Variants in ZNF783 observed in about 807,000 individuals in gnomAD.
The protein encoded by ZNF783 is zinc finger protein 783, also known as protein ZNF783.
A neutral mutation model predicts 31.3 loss-of-function variants in ZNF783; 25 were observed. That is an observed-to-expected ratio of 0.80 (90% CI 0.58 to 1.11). ZNF783 has a LOEUF of 1.11. ZNF783 is among the 50% of genes most tolerant of loss of function. The probability of loss-of-function intolerance (pLI) is 0.00; values close to 1 mark genes in which losing one functional copy is unlikely to be tolerated. For synonymous variants in ZNF783, 369 were observed against 319.1 expected (o/e 1.16, Z -1.66); for missense variants, 797 against 760.0 (o/e 1.05, Z -0.57).
At chr7:149,270,062 G>C (rs543722720) in intron 4 of ZNF783, among the ~76,000 whole-genome samples, 3 of 152,108 alleles carry the variant, frequency 2.0e-5, no homozygotes, top group Admixed American at 6.5e-5. Context: ...TCTTAATCCA[G>C]TCTATCATTG....
intron 4 of ZNF783, among the ~76,000 whole-genome samples, chr7:149,274,342 A>G (rs1797275632): frequency 6.7e-6 from 1 of 149,930 alleles, no homozygotes; most frequent in East Asian, 1.9e-4. Flanking sequence ...ATTCCAATAT[A>G]TGTTCTTTTT....
chr7:149,280,221 C>T (rs1308198397), intron 5 of ZNF783, among the ~76,000 whole-genome samples: 1 of 152,134 alleles, frequency 6.6e-6, no homozygotes, highest in African/African-American at 2.4e-5. Flanking sequence ...GTAGGGGTGG[C>T]CGGGCAGAGG....
At chr7:149,262,621 C>G (rs1327087234) in intron 1 of ZNF783, among the ~76,000 whole-genome samples, 1 of 152,224 alleles carries the variant, frequency 6.6e-6, no homozygotes, top group Non-Finnish European at 1.5e-5. Context: ...GCCCCAGAGT[C>G]ACGCTCGGCG....
chr7:149,278,580 G>T, intron 5 of ZNF783, 53 bp downstream of exon 5: 2 of 1,595,506 alleles, frequency 1.3e-6, no homozygotes, highest in Non-Finnish European at 1.7e-6. Flanking sequence ...GGCAGCACGC[G>T]ATCACCAAGC....
chr7:149,263,841 C>A (rs1368281863), intron 1 of ZNF783, among the ~76,000 whole-genome samples: 1 of 152,208 alleles, frequency 6.6e-6, no homozygotes, highest in Non-Finnish European at 1.5e-5. Context: ...AACTTCCTCT[C>A]CCTCCTCTTA....
intron 4 of ZNF783, among the ~76,000 whole-genome samples, chr7:149,268,482 T>A (rs1309440665): frequency 1.3e-5 from 2 of 152,160 alleles, no homozygotes; most frequent in Non-Finnish European, 2.9e-5. Context: ...TGAGTACTTT[T>A]AAAAAAAATT....
At chr7:149,263,265 C>G (rs71529700) in intron 1 of ZNF783, among the ~76,000 whole-genome samples, 6 of 121,402 alleles carry the variant, frequency 4.9e-5, no homozygotes, top group African/African-American at 1.9e-4. Context: ...TATATATATA[C>G]GTGTGTGTGT....
intron 4 of ZNF783, among the ~76,000 whole-genome samples, chr7:149,269,905 G>A (rs1466720388): frequency 6.9e-6 from 1 of 145,980 alleles, no homozygotes; most frequent in Non-Finnish European, 1.5e-5. Context: ...CCACCTATGA[G>A]TGAGGGCATG....
intron 5 of ZNF783, among the ~76,000 whole-genome samples, chr7:149,279,945 G>A (rs1338407509): frequency 6.6e-6 from 1 of 151,802 alleles, no homozygotes; most frequent in South Asian, 2.1e-4. Flanking sequence ...CCACAAAACC[G>A]CCATTGTCAT....
At chr7:149,268,112 T>A (rs1274484251) in intron 4 of ZNF783, among the ~76,000 whole-genome samples, 11 of 152,188 alleles carry the variant, frequency 7.2e-5, no homozygotes, top group Admixed American at 7.2e-4. Context: ...ACAGCGAATC[T>A]CCAAATGATC....
rs1484887106 is a variant in ZNF783 at position 149,282,237 on chromosome 7, A to C, written c.1535A>C (p.His512Pro). ...TFNRNHHLAVHMQTHARGQVG... is the reference protein window; with the variant it reads ...TFNRNHHLAVPMQTHARGQVG... ...AACCGCAACCACCACCTGGCCGTGCACATGCAGACCCACGCCCGAGGCCAG... is the reference window on the plus strand; with the variant it reads ...AACCGCAACCACCACCTGGCCGTGCCCATGCAGACCCACGCCCGAGGCCAG... Residue 512 changes from histidine to proline, a missense_variant, in exon 6 of 6, where the codon CAC (histidine) becomes CCC (proline). Physicochemically the swap from His to Pro is moderately conservative, Grantham distance 77 (BLOSUM62 -2). Coordinates refer to ENST00000434415, the MANE Select transcript of ZNF783 (RefSeq NM_001195220.2). 1 of 1,597,854 alleles carries C rather than the reference A, an allele frequency of 6.3e-7. No individual in the cohort carries two copies. The highest frequency in any genetic ancestry group is 8.5e-7 in the Non-Finnish European group (1 of 1,179,454).
chr7:149,266,483 A>G lies in ZNF783; in HGVS notation c.173A>G (p.Asp58Gly). ...AAIQALEKKV[D>G]SCLTRLLTLE... ...ATTCAGGCCTTGGAGAAGAAGGTGG[A>G]TTCCTGCCTGACCCGCTTGCTGACT... Residue 58 changes from aspartate (D) to glycine (G), a missense_variant, in exon 2 of 6, where the codon GAT (aspartate) becomes GGT (glycine). Physicochemically the swap from Asp to Gly is moderately conservative, Grantham distance 94. Transcript: ENST00000434415. The G allele has an allele frequency of 1.2e-6, 2 of 1,612,760 alleles. No individual in the cohort carries two copies. Among genetic ancestry groups the G allele is most frequent in the Non-Finnish European group, 1.7e-6 (2 of 1,179,998 alleles).
chr7:149,282,028 G>A lies in ZNF783; in HGVS notation c.1326G>A (p.Leu442=). The change falls in exon 6 of 6, where the codon CTG becomes CTA. Residue 442 remains leucine, a synonymous_variant. Coordinates refer to ENST00000434415, the MANE Select transcript of ZNF783 (RefSeq NM_001195220.2). ...ASKMYHCSEC[L]RFFQQRKSLL... ...AGATGTACCACTGCAGCGAGTGCCT[G>A]CGCTTCTTCCAGCAGCGCAAGAGCC... is the stretch of plus-strand genomic sequence containing the variant. 10 of 1,588,282 alleles carry A rather than the reference G, an allele frequency of 6.3e-6. No homozygotes were observed. The highest frequency in any genetic ancestry group is 8.5e-6 in the Non-Finnish European group (10 of 1,175,350).
At chr7:149,279,359 T>G (rs1234543448) in intron 5 of ZNF783, among the ~76,000 whole-genome samples, 1 of 152,244 alleles carries the variant, frequency 6.6e-6, no homozygotes, top group Non-Finnish European at 1.5e-5. Context: ...CTTTTCAGGC[T>G]CATCAGGGTG....
At chr7:149,263,838 T>C (rs1796999373) in intron 1 of ZNF783, among the ~76,000 whole-genome samples, 1 of 152,204 alleles carries the variant, frequency 6.6e-6, no homozygotes, top group Non-Finnish European at 1.5e-5. Flanking sequence ...TATAACTTCC[T>C]CTCCCTCCTC....
intron 4 of ZNF783, among the ~76,000 whole-genome samples, chr7:149,269,524 G>A (rs201612324): frequency 3.9e-5 from 6 of 152,084 alleles, no homozygotes; most frequent in East Asian, 3.8e-4. Flanking sequence ...TATTTCCTAG[G>A]TTTTATTCTA....
At chr7:149,276,697 G>A (rs1797339453) in intron 4 of ZNF783, 6 of 630,440 alleles carry the variant, frequency 9.5e-6, no homozygotes, top group African/African-American at 2.3e-5. Context: ...TTGAGACAGG[G>A]TCTGGCCCCG....
Position 149,269,005 on chromosome 7 carries a change from C to A in ZNF783, c.673+1783C>A, listed in dbSNP as rs575604438. ...GTCAAATGGTAGTTCTGTTTTAAGT[C>A]CCTTGAGAAATCTTCAAACTGCTTT... On this transcript the variant is annotated intron_variant, in intron 4 of 5. Coordinates refer to ENST00000434415, the MANE Select transcript of ZNF783 (RefSeq NM_001195220.2). Among the ~76,000 whole-genome samples, 9 of 152,220 alleles carry A rather than the reference C, an allele frequency of 5.9e-5. No individual in the cohort carries two copies. In the East Asian group the frequency reaches 1.5e-3, roughly 26 times the overall value.
chr7:149,267,686 A>G (rs1256003046), intron 4 of ZNF783, among the ~76,000 whole-genome samples: 2 of 151,800 alleles, frequency 1.3e-5, no homozygotes, highest in Non-Finnish European at 2.9e-5. Context: ...AGTCCCAGCT[A>G]CTCGGGAGGC....
Sources: allele counts gnomAD v4.1 joint callset (sites outside exome capture counted in the v4.1 genomes callset), GRCh38; gene constraint gnomAD v4.1.1; transcripts MANE v1.5; gene names NCBI Gene and HGNC (gene_info 2026-07-23, HGNC 2026-07-21).